Variants in RALYL observed in about 807,000 individuals in gnomAD.
The protein encoded by RALYL is RALY RNA binding protein like, also known as RNA-binding Raly-like protein.
In RALYL, 29 loss-of-function variants were observed where a neutral mutation model predicts 35.1. The ratio of observed to expected loss-of-function variants is 0.83; its 90% CI spans 0.61 to 1.13. The LOEUF is 1.13. Ranked by LOEUF, RALYL falls within the 50% of genes most tolerant of loss-of-function variation. The probability of loss-of-function intolerance (pLI) is 0.00; values close to 1 mark genes in which losing one functional copy is unlikely to be tolerated. For synonymous variants in RALYL, 120 were observed against 127.6 expected (o/e 0.94, Z 0.40); for missense variants, 359 against 360.4 (o/e 1.00, Z 0.03).
Position 84,629,337 on chromosome 8 carries a change from C to T in RALYL, c.256+99760C>T, listed in dbSNP as rs1299486139. On this transcript the variant is annotated intron_variant, in intron 2 of 8. Coordinates refer to ENST00000521268, the MANE Select transcript of RALYL (RefSeq NM_173848.7). ...AAATAAAAGTGACTACAATATTGTG[C>T]TGGAAATAATGTGAAAGTGTGGGAA... 6.6e-5 allele frequency among the ~76,000 whole-genome samples: 10 copies of T among 151,958 alleles called. No individual in the cohort carries two copies. The South Asian group carries it at 2.1e-3, about 31-fold the overall frequency.
intron 4 of RALYL, among the ~76,000 whole-genome samples, chr8:84,806,833 G>A (rs1563645974): frequency 6.6e-6 from 1 of 152,062 alleles, no homozygotes; most frequent in African/African-American, 2.4e-5. Context: ...ACAACATGGT[G>A]AAACATCATC....
chr8:84,483,812 C>T (rs1175418429), intron 1 of RALYL, among the ~76,000 whole-genome samples: 1 of 152,124 alleles, frequency 6.6e-6, no homozygotes, highest in African/African-American at 2.4e-5. Flanking sequence ...CATGCAGTGA[C>T]ATTTTCTAAA....
At chr8:84,408,089 T>A (rs189656019) in intron 1 of RALYL, among the ~76,000 whole-genome samples, 77 of 152,230 alleles carry the variant, frequency 5.1e-4, no homozygotes, top group Admixed American at 1.8e-3. Context: ...AAAGTTTTTT[T>A]AAACTTATTT....
In RALYL at chr8:84,212,915, A is replaced by ATTACTTATTATATATATATATATATATAT. The variant is rs1338007981; in HGVS notation, c.-24+28491_-24+28492insTTACTTATTATATATATATATATATATAT. ...AGAAATGACAGTTCAGTCATAAATAAGTAATACAATAAAAAGTTATCTCCT... is the reference window on the plus strand; with the variant it reads ...AGAAATGACAGTTCAGTCATAAATAATTACTTATTATATATATATATATATATATGTAATACAATAAAAAGTTATCTCCT... On this transcript the variant is annotated intron_variant, in intron 1 of 8. Coordinates refer to ENST00000521268, the MANE Select transcript of RALYL (RefSeq NM_173848.7). 3.2e-4 allele frequency among the ~76,000 whole-genome samples: 48 copies of ATTACTTATTATATATATATATATATATAT among 152,336 alleles called. No homozygotes were observed. In the South Asian group the frequency reaches 9.9e-3, roughly 32 times the overall value.
chr8:84,555,157 T>C (rs550926978), intron 2 of RALYL, among the ~76,000 whole-genome samples: 2 of 152,254 alleles, frequency 1.3e-5, no homozygotes, highest in East Asian at 1.9e-4. Flanking sequence ...CACACGCCTG[T>C]AATCCCAGCT....
At chr8:84,495,481 T>TA (rs2055896110) in intron 1 of RALYL, among the ~76,000 whole-genome samples, 1 of 152,070 alleles carries the variant, frequency 6.6e-6, no homozygotes, top group Admixed American at 6.6e-5. Context: ...ATTTATATTT[T>TA]AAAAATATCT....
chr8:84,253,364 A>ATTTTTTTT, intron 1 of RALYL, among the ~76,000 whole-genome samples: 1 of 99,566 alleles, frequency 1.0e-5, no homozygotes, highest in Non-Finnish European at 2.2e-5. Flanking sequence ...TAATTTTTGT[A>ATTTTTTTT]TTTTTTTTTT....
chr8:84,401,160 G>A (rs904301737), intron 1 of RALYL, among the ~76,000 whole-genome samples: 2 of 152,058 alleles, frequency 1.3e-5, no homozygotes, highest in Admixed American at 6.6e-5. Context: ...CAGCTCAACA[G>A]TCAGTTATGT....
chr8:84,290,930 C>A (rs1203684070), intron 1 of RALYL, among the ~76,000 whole-genome samples: 1 of 151,786 alleles, frequency 6.6e-6, no homozygotes, highest in East Asian at 1.9e-4. Context: ...ATCTCTAATA[C>A]TTTTGATATC....
At chr8:84,756,331 A>T (rs11989787) in intron 2 of RALYL, among the ~76,000 whole-genome samples, 40,892 of 151,892 alleles carry the variant, frequency 0.27, 5,899 homozygotes, top group African/African-American at 0.35. Context: ...CATCCAAATG[A>T]ACAGAAAGAG....
chr8:84,441,818 T>C (rs968314380), intron 1 of RALYL, among the ~76,000 whole-genome samples: 1 of 152,144 alleles, frequency 6.6e-6, no homozygotes, highest in Non-Finnish European at 1.5e-5. Flanking sequence ...TTTAGACATA[T>C]ACGTCAATTC....
At chr8:84,497,641 T>TG in intron 1 of RALYL, among the ~76,000 whole-genome samples, 1 of 132,756 alleles carries the variant, frequency 7.5e-6, no homozygotes. Context: ...TTTTTGTTTT[T>TG]GTTTTTTTTT....
At chr8:84,625,045 T>C (rs891050319) in intron 2 of RALYL, among the ~76,000 whole-genome samples, 2 of 152,160 alleles carry the variant, frequency 1.3e-5, no homozygotes, top group Non-Finnish European at 2.9e-5. Context: ...TTACAGTATA[T>C]CTTAGAATTA....
chr8:84,621,869 C>T (rs184882463), intron 2 of RALYL, among the ~76,000 whole-genome samples: 1 of 152,280 alleles, frequency 6.6e-6, no homozygotes, highest in East Asian at 1.9e-4. Flanking sequence ...TAGTCCTTTG[C>T]AGTGCTAATT....
rs139302495 is a variant in RALYL at position 84,471,263 on chromosome 8, G to A, written c.-23-58036G>A. Among the ~76,000 whole-genome samples the A allele has an allele frequency of 3.6e-3, 545 of 152,054 alleles. 7 individuals are homozygous for A. The highest frequency in any genetic ancestry group is 0.013 in the African/African-American group (519 of 41,472). On this transcript the variant is annotated intron_variant, in intron 1 of 8. Transcript: ENST00000521268. ...GTTTTTAAAATTAGCTCTTTGTTTA[G>A]GCTTTTTCAAAAAAGATAGAAAACA... is the stretch of plus-strand genomic sequence containing the variant.
intron 1 of RALYL, among the ~76,000 whole-genome samples, chr8:84,501,241 G>A (rs2056624462): frequency 6.6e-6 from 1 of 152,110 alleles, no homozygotes; most frequent in Non-Finnish European, 1.5e-5. Flanking sequence ...TGTAAATTGT[G>A]TGTTTCTTTT....
intron 1 of RALYL, among the ~76,000 whole-genome samples, chr8:84,348,317 C>T (rs1368690917): frequency 6.6e-6 from 1 of 152,078 alleles, no homozygotes; most frequent in Non-Finnish European, 1.5e-5. Context: ...TTTTCAGAGA[C>T]AGAGTTTGCT....
intron 1 of RALYL, among the ~76,000 whole-genome samples, chr8:84,240,915 G>A (rs1485184679): frequency 6.6e-6 from 1 of 152,062 alleles, no homozygotes; most frequent in Non-Finnish European, 1.5e-5. Flanking sequence ...TATAAACAGA[G>A]TCAGCAGACA....
At chr8:84,260,746 G>A (rs1832107465) in intron 1 of RALYL, among the ~76,000 whole-genome samples, 2 of 152,146 alleles carry the variant, frequency 1.3e-5, no homozygotes, top group African/African-American at 4.8e-5. Context: ...TCAGAAAGAT[G>A]TGAGTTCTGG....
Sources: allele counts gnomAD v4.1 joint callset (sites outside exome capture counted in the v4.1 genomes callset), GRCh38; gene constraint gnomAD v4.1.1; transcripts MANE v1.5; gene names NCBI Gene and HGNC (gene_info 2026-07-23, HGNC 2026-07-21).